The following EPHB2 variants were observed in gnomAD, a reference collection of about 807,000 sequenced individuals.
EPHB2 encodes the protein EPH receptor B2, also known as ephrin type-B receptor 2.
EPHB2 carries 18 observed loss-of-function variants against 96.4 expected under a neutral mutation model. That is an observed-to-expected ratio of 0.19 (90% CI 0.13 to 0.28). EPHB2 has a LOEUF of 0.28. EPHB2 is among the 10% of genes least tolerant of loss of function. The probability of loss-of-function intolerance (pLI) is 1.00; values close to 1 mark genes in which losing one functional copy is unlikely to be tolerated. For missense variants in EPHB2, 989 were observed against 1,355.4 expected (o/e 0.73, Z 4.25); for synonymous variants, 506 against 534.1 (o/e 0.95, Z 0.72).
In EPHB2 at chr1:22,712,985, A is replaced by G. The variant is rs117981613; in HGVS notation, c.61+1942A>G. Among the ~76,000 whole-genome samples, 576 of 152,254 alleles carry G rather than the reference A, an allele frequency of 3.8e-3. 15 individuals carry two copies. The East Asian group carries it at 0.066, about 17-fold the overall frequency. ...ACTCTGGGGTAGATGGAAGGGCCAC[A>G]TCTGTCCAGCCATCGCCCTGGCAGA... On this transcript the variant is annotated intron_variant, in intron 1 of 15. Transcript: ENST00000374630.
chr1:22,873,425 C>T (rs973365582), intron 5 of EPHB2, among the ~76,000 whole-genome samples: 45 of 152,300 alleles, frequency 3.0e-4, no homozygotes, highest in African/African-American at 9.6e-4. Flanking sequence ...CAGGCAGACA[C>T]TCGCAAGGGC....
chr1:22,874,307 G>T (rs886488845), intron 5 of EPHB2, among the ~76,000 whole-genome samples: 1 of 152,194 alleles, frequency 6.6e-6, no homozygotes, highest in Non-Finnish European at 1.5e-5. Context: ...GAGGTAGGCT[G>T]CCCAGACCAC....
chr1:22,738,746 T>C (rs1352332173), intron 1 of EPHB2, among the ~76,000 whole-genome samples: 1 of 152,210 alleles, frequency 6.6e-6, no homozygotes, highest in East Asian at 1.9e-4. Flanking sequence ...GGACCAACTA[T>C]GTGCCTGGGC....
intron 1 of EPHB2, chr1:22,775,051 C>T: frequency 3.0e-6 from 2 of 672,918 alleles, no homozygotes; most frequent in Admixed American, 4.2e-5. Flanking sequence ...CTGCCCTCCT[C>T]CTGCCCCTTG....
chr1:22,724,331 A>T (rs1456397694), intron 1 of EPHB2, among the ~76,000 whole-genome samples: 1 of 152,170 alleles, frequency 6.6e-6, no homozygotes. Context: ...ACTAACATTT[A>T]CTGATAATTG....
At chr1:22,757,187 G>C (rs1570223226) in intron 1 of EPHB2, among the ~76,000 whole-genome samples, 1 of 152,044 alleles carries the variant, frequency 6.6e-6, no homozygotes, top group Non-Finnish European at 1.5e-5. Context: ...GGGTCCTGAG[G>C]GTGCTCAGGG....
chr1:22,864,079 C>T (rs116819320), intron 4 of EPHB2, among the ~76,000 whole-genome samples: 3,074 of 143,904 alleles, frequency 0.021, 112 homozygotes, highest in African/African-American at 0.078. Context: ...TTCACTCTGT[C>T]GCCCAGGCTC....
In EPHB2 at chr1:22,711,044, G is replaced by C. The variant is rs1212606907; in HGVS notation, c.61+1G>C. The C allele has an allele frequency of 6.7e-6, 1 of 148,622 alleles. No individual in the cohort carries two copies. The highest frequency in any genetic ancestry group is 1.5e-5 in the Non-Finnish European group (1 of 67,322). 9.2% of individuals were successfully genotyped at this position (148,622 alleles called of 1,614,324 possible). Reference sequence around the variant, plus strand: ...CTGCCGCTGCTCGCCGCCGTGGAAGGTGAGCGAGCGGGCGGGCGGGCGGGC... The same window carrying C: ...CTGCCGCTGCTCGCCGCCGTGGAAGCTGAGCGAGCGGGCGGGCGGGCGGGC... On this transcript the variant is annotated splice_donor_variant, in intron 1 of 15. Transcript: ENST00000374630. LOFTEE classifies it high-confidence loss of function.
intron 1 of EPHB2, among the ~76,000 whole-genome samples, chr1:22,766,383 A>T (rs937535140): frequency 2.6e-5 from 4 of 152,170 alleles, no homozygotes; most frequent in African/African-American, 9.7e-5. Flanking sequence ...CCCTGTTCAA[A>T]TGCAGCGTCC....
chr1:22,827,247 G>T (rs1645237694), intron 3 of EPHB2, among the ~76,000 whole-genome samples: 1 of 152,186 alleles, frequency 6.6e-6, no homozygotes, highest in Non-Finnish European at 1.5e-5. Flanking sequence ...TGTCCTCGGA[G>T]CCCCTGGAAC....
rs183779571 is a variant in EPHB2 at position 22,894,667 on chromosome 1, G to A, written c.1592-805G>A. Among the ~76,000 whole-genome samples, 11 of 152,144 alleles carry A rather than the reference G, an allele frequency of 7.2e-5. No individual in the cohort carries two copies. In the East Asian group the frequency reaches 1.9e-3, roughly 27 times the overall value. Reference sequence around the variant, plus strand: ...ATAGTGTTAATGGCATTGAGTGGTGGTTTCCAAGAGCCAGGCTAATGCCAA... The same window carrying A: ...ATAGTGTTAATGGCATTGAGTGGTGATTTCCAAGAGCCAGGCTAATGCCAA... On this transcript the variant is annotated intron_variant, in intron 7 of 15. Coordinates refer to ENST00000374630, the MANE Select transcript of EPHB2 (RefSeq NM_017449.5).
intron 1 of EPHB2, among the ~76,000 whole-genome samples, chr1:22,763,857 T>G (rs546684843): frequency 2.0e-5 from 3 of 152,166 alleles, no homozygotes; most frequent in Non-Finnish European, 4.4e-5. Context: ...TTGCCCTTTC[T>G]AGAGACTTCT....
intron 9 of EPHB2, among the ~76,000 whole-genome samples, chr1:22,897,566 T>C (rs1313614996): frequency 6.6e-6 from 1 of 151,794 alleles, no homozygotes; most frequent in African/African-American, 2.4e-5. Flanking sequence ...GGCAGGCAGA[T>C]CACTTGAGGC....
In EPHB2 at chr1:22,909,028, A is replaced by G. The variant is rs754408035; in HGVS notation, c.2359A>G (p.Lys787Glu). 1 of 1,614,060 alleles carries G rather than the reference A, an allele frequency of 6.2e-7. No individual in the cohort carries two copies. The highest frequency in any genetic ancestry group is 8.5e-7 in the Non-Finnish European group (1 of 1,179,998). Reference protein sequence around the residue: ...DPTYTSALGGKIPIRWTAPEA... With the variant: ...DPTYTSALGGEIPIRWTAPEA... ...TCCTCTTTCTGTCTCCCAGGGCGGA[A>G]AGATCCCCATCCGCTGGACAGCCCC... is the stretch of plus-strand genomic sequence containing the variant. The change falls in exon 13 of 16, where the codon AAG becomes GAG. Residue 787 changes from lysine (K) to glutamate (E), a missense_variant. Lys to Glu is a moderately conservative substitution (Grantham distance 56). Coordinates refer to ENST00000374630, the MANE Select transcript of EPHB2 (RefSeq NM_017449.5).
chr1:22,813,333 G>A (rs1645028638), intron 3 of EPHB2, among the ~76,000 whole-genome samples: 2 of 152,208 alleles, frequency 1.3e-5, no homozygotes, highest in Admixed American at 1.3e-4. Context: ...TGGTGATCTG[G>A]AGCCTGACTT....
chr1:22,789,625 G>A (rs1334269999), intron 3 of EPHB2, among the ~76,000 whole-genome samples: 3 of 152,252 alleles, frequency 2.0e-5, no homozygotes, highest in Admixed American at 1.3e-4. Flanking sequence ...CCTGCTGTGA[G>A]CCAGACACAT....
At chr1:22,814,469 T>TG (rs527669548) in intron 3 of EPHB2, among the ~76,000 whole-genome samples, 5 of 151,758 alleles carry the variant, frequency 3.3e-5, no homozygotes, top group East Asian at 1.9e-4. Flanking sequence ...TGCTGGAAAG[T>TG]GGGGGGGTGC....
At chr1:22,736,889 G>T (rs1408061412) in intron 1 of EPHB2, among the ~76,000 whole-genome samples, 1 of 152,184 alleles carries the variant, frequency 6.6e-6, no homozygotes, top group Non-Finnish European at 1.5e-5. Flanking sequence ...GGGAGGAGGG[G>T]AGACTGGGGG....
intron 6 of EPHB2, 113 bp from the exon 7 acceptor site, chr1:22,892,771 A>G (rs1367048377): frequency 2.3e-6 from 3 of 1,324,582 alleles, no homozygotes; most frequent in Non-Finnish European, 3.3e-6. Context: ...ATTGGGAACC[A>G]TAGATGTTTA....
Sources: allele counts gnomAD v4.1 joint callset (sites outside exome capture counted in the v4.1 genomes callset), GRCh38; gene constraint gnomAD v4.1.1; transcripts MANE v1.5; gene names NCBI Gene and HGNC (gene_info 2026-07-23, HGNC 2026-07-21).